AFF3: variants seen among roughly 807,000 people sequenced by gnomAD.
AFF3 encodes the protein ALF transcription elongation factor 3, also known as AF4/FMR2 family member 3.
In AFF3, 32 loss-of-function variants were observed where a neutral mutation model predicts 129.7. That is an observed-to-expected ratio of 0.25 (90% CI 0.19 to 0.33). The LOEUF is 0.33. AFF3 is among the 10% of genes least tolerant of loss of function. The pLI is 1.00. For synonymous variants in AFF3, 644 were observed against 635.4 expected, an observed-to-expected ratio of 1.01 and a Z score of -0.20; for missense variants, 1,373 against 1,592.0, an observed-to-expected ratio of 0.86 and a Z score of 2.34.
Position 99,645,294 on chromosome 2 carries a change from C to T in AFF3, c.1184+4332G>A, listed in dbSNP as rs181231365. On this transcript the variant is annotated intron_variant, in intron 13 of 24. Coordinates refer to ENST00000672756, the MANE Select transcript of AFF3 (RefSeq NM_001386135.1). ...AGTGAGCTGTGATCACACCACTGCACTCCAGCCTGGGTGACAGAGTGAGAC... is the reference window on the plus strand; with the variant it reads ...AGTGAGCTGTGATCACACCACTGCATTCCAGCCTGGGTGACAGAGTGAGAC... Among the ~76,000 whole-genome samples the T allele has an allele frequency of 3.2e-3, 483 of 152,250 alleles. 3 individuals carry two copies. Among genetic ancestry groups the T allele is most frequent in the Non-Finnish European group, 3.4e-3 (228 of 68,012 alleles).
At chr2:100,123,777 C>T (rs1692076883) in intron 2 of AFF3, among the ~76,000 whole-genome samples, 1 of 152,118 alleles carries the variant, frequency 6.6e-6, no homozygotes. Context: ...CATAGACCTG[C>T]TAACAGTAAG....
At chr2:99,553,918 C>CAAAAAA (rs61326965) in intron 24 of AFF3, among the ~76,000 whole-genome samples, 1,997 of 54,370 alleles carry the variant, frequency 0.037, no homozygotes, top group East Asian at 0.075. Flanking sequence ...TGTCTCAAAC[C>CAAAAAA]AAAAAAAAAA....
intron 8 of AFF3, among the ~76,000 whole-genome samples, chr2:99,789,445 C>CCA (rs1685039912): frequency 2.8e-5 from 1 of 35,416 alleles, no homozygotes; most frequent in Non-Finnish European, 5.1e-5. Context: ...GGCCCTGTCA[C>CCA]CAAAAAAAAA....
intron 10 of AFF3, among the ~76,000 whole-genome samples, chr2:99,740,424 C>G (rs1460866475): frequency 1.3e-5 from 2 of 150,098 alleles, no homozygotes; most frequent in African/African-American, 2.4e-5. Context: ...TTTACAGTCC[C>G]ACCAACAGTG....
intron 7 of AFF3, among the ~76,000 whole-genome samples, chr2:99,958,230 C>T (rs10199263): frequency 0.082 from 12,398 of 152,068 alleles, 1,434 homozygotes; most frequent in African/African-American, 0.26. Flanking sequence ...CAGTGGCTCA[C>T]GCCTGTAATT....
At chr2:99,707,789 T>C (rs932773675) in intron 11 of AFF3, 6 of 377,446 alleles carry the variant, frequency 1.6e-5, no homozygotes, top group Non-Finnish European at 2.2e-5. Context: ...GTTTTAGGAT[T>C]TCTTTCTTGC....
intron 1 of AFF3, among the ~76,000 whole-genome samples, chr2:100,137,257 T>C (rs1692674516): frequency 6.6e-6 from 1 of 152,216 alleles, no homozygotes; most frequent in African/African-American, 2.4e-5. Flanking sequence ...AAGAACTTCA[T>C]GATTTCCAGG....
intron 8 of AFF3, among the ~76,000 whole-genome samples, chr2:99,793,765 TA>T (rs1685371805): frequency 6.6e-6 from 1 of 152,220 alleles, no homozygotes. Context: ...GTCCATTTTC[TA>T]TTTTTAATGA....
intron 11 of AFF3, among the ~76,000 whole-genome samples, chr2:99,690,367 G>T (rs1213629168): frequency 2.0e-5 from 3 of 151,202 alleles, no homozygotes; most frequent in African/African-American, 7.3e-5. Context: ...ATTTTTAGTA[G>T]AGATGGGGTT....
At chr2:99,632,473 C>A (rs1327871540) in intron 13 of AFF3, among the ~76,000 whole-genome samples, 1 of 152,056 alleles carries the variant, frequency 6.6e-6, no homozygotes, top group Non-Finnish European at 1.5e-5. Context: ...GAGGCATGGG[C>A]GCAAGCTGGG....
Position 99,705,502 on chromosome 2 carries a change from G to GA in AFF3, c.1091+21574dup, listed in dbSNP as rs57685035. 7.4e-3 allele frequency among the ~76,000 whole-genome samples: 1,107 copies of GA among 149,264 alleles called. 3 individuals are homozygous for GA. Among genetic ancestry groups the GA allele is most frequent in the Middle Eastern group, 0.017 (5 of 290 alleles). Reference sequence around the variant, plus strand: ...ATCAAGCTAGAAATAAGTTTAAGGTGAAAAAAAAATAGAAATTTAGGATGC... The same window carrying GA: ...ATCAAGCTAGAAATAAGTTTAAGGTGAAAAAAAAAATAGAAATTTAGGATGC... On this transcript the variant is annotated intron_variant, in intron 11 of 24. Transcript: ENST00000672756.
intron 9 of AFF3, among the ~76,000 whole-genome samples, chr2:99,746,255 T>C (rs980281689): frequency 2.6e-5 from 4 of 152,114 alleles, no homozygotes; most frequent in Non-Finnish European, 4.4e-5. Context: ...AAAAATCCAT[T>C]GAAATTGAAT....
At chr2:99,847,521 G>T (rs903665734) in intron 7 of AFF3, among the ~76,000 whole-genome samples, 4 of 151,996 alleles carry the variant, frequency 2.6e-5, no homozygotes, top group African/African-American at 9.7e-5. Flanking sequence ...TGCAGGATAT[G>T]AAGAGAGCTA....
chr2:99,927,947 C>T (rs536279333), intron 7 of AFF3, among the ~76,000 whole-genome samples: 1 of 152,076 alleles, frequency 6.6e-6, no homozygotes, highest in African/African-American at 2.4e-5. Flanking sequence ...GTTTCCCGTG[C>T]TGTTCTCATG....
At chr2:99,773,083 C>CTTCTT (rs1683617631) in intron 8 of AFF3, among the ~76,000 whole-genome samples, 1 of 152,230 alleles carries the variant, frequency 6.6e-6, no homozygotes, top group African/African-American at 2.4e-5. Context: ...CCATCCACAT[C>CTTCTT]CTACCCTTCT....
At chr2:99,889,254 C>CA (rs1693357319) in intron 7 of AFF3, among the ~76,000 whole-genome samples, 1 of 152,152 alleles carries the variant, frequency 6.6e-6, no homozygotes, top group African/African-American at 2.4e-5. Context: ...ATCCTTCAGT[C>CA]AGTCTCCTGA....
At chr2:99,909,452 C>T (rs1437710700) in intron 7 of AFF3, among the ~76,000 whole-genome samples, 2 of 129,366 alleles carry the variant, frequency 1.5e-5, no homozygotes, top group African/African-American at 6.0e-5. Context: ...TGCTAAATGA[C>T]GAGTTACTGG....
At chr2:100,015,850 G>C (rs1038632536) in intron 4 of AFF3, among the ~76,000 whole-genome samples, 1 of 149,732 alleles carries the variant, frequency 6.7e-6, no homozygotes, top group Non-Finnish European at 1.5e-5. Flanking sequence ...CTATAGGTGC[G>C]ATGGTGGTGA....
At chr2:99,837,710 G>A (rs986243251) in intron 7 of AFF3, among the ~76,000 whole-genome samples, 186 bp from the exon 8 acceptor site, 2 of 152,028 alleles carry the variant, frequency 1.3e-5, no homozygotes, top group African/African-American at 4.8e-5. Flanking sequence ...TGTGGCTGCT[G>A]CTCCCCCTTC....
Sources: allele counts gnomAD v4.1 joint callset (sites outside exome capture counted in the v4.1 genomes callset), GRCh38; gene constraint gnomAD v4.1.1; transcripts MANE v1.5; gene names NCBI Gene and HGNC (gene_info 2026-07-23, HGNC 2026-07-21).